ARHGEF18: variants seen among roughly 807,000 people sequenced by gnomAD.
ARHGEF18 encodes rho guanine nucleotide exchange factor 18.
ARHGEF18 carries 93 observed loss-of-function variants against 155.7 expected under a neutral mutation model. The observed-to-expected ratio is 0.60, with a 90% confidence interval of 0.50 to 0.71. The LOEUF is 0.71. Ranked by LOEUF, ARHGEF18 falls within the 30% of genes least tolerant of loss-of-function variation. ARHGEF18 has a pLI of 0.00. For synonymous variants in ARHGEF18, 742 were observed against 753.1 expected, an observed-to-expected ratio of 0.99 and a Z score of 0.24; for missense variants, 1,593 against 1,816.1, an observed-to-expected ratio of 0.88 and a Z score of 2.23.
chr19:7,352,209 C>A (rs1969175576), intron 1 of ARHGEF18, among the ~76,000 whole-genome samples: 1 of 151,416 alleles, frequency 6.6e-6, no homozygotes, highest in Non-Finnish European at 1.5e-5. Context: ...TTTGGGCAGG[C>A]AGTTAGAGAA....
At chr19:7,432,431 G>T (rs557121365) in intron 10 of ARHGEF18, among the ~76,000 whole-genome samples, 1 of 152,150 alleles carries the variant, frequency 6.6e-6, no homozygotes, top group African/African-American at 2.4e-5. Context: ...CTGAGACCAG[G>T]CCTTGAAACC....
chr19:7,460,076 C>T, intron 20 of ARHGEF18, 82 bp downstream of exon 20: 1 of 1,359,706 alleles, frequency 7.4e-7, no homozygotes, highest in Non-Finnish European at 1.0e-6. Flanking sequence ...AGAGGGTGAA[C>T]TGCCCCCCAG....
At position 7,467,244 on chromosome 19, in the gene ARHGEF18, G is replaced by A. The variant is rs1423145991; in HGVS notation, c.3040G>A (p.Glu1014Lys). ...AATCGCCCACCAGGACAGCTATGTGGAGACGCAGCGGGCTGCCATCCAGGA... is the reference window on the plus strand; with the variant it reads ...AATCGCCCACCAGGACAGCTATGTGAAGACGCAGCGGGCTGCCATCCAGGA... ...AVIAHQDSYV[E>K]TQRAAIQERE... Residue 1014 changes from glutamate (E) to lysine (K), a missense_variant, in exon 26 of 29, where the codon GAG becomes AAG. Glu to Lys is a moderately conservative substitution (Grantham distance 56, BLOSUM62 1). Coordinates refer to ENST00000668164, the MANE Select transcript of ARHGEF18 (RefSeq NM_001367823.1). 1.9e-6 allele frequency: 3 copies of A among 1,580,642 alleles called. No individual in the cohort carries two copies. Among genetic ancestry groups the A allele is most frequent in the Admixed American group, 1.8e-5 (1 of 55,584 alleles).
chr19:7,428,477 C>T (rs1248441020), intron 10 of ARHGEF18, among the ~76,000 whole-genome samples: 1 of 151,980 alleles, frequency 6.6e-6, no homozygotes, highest in African/African-American at 2.4e-5. Flanking sequence ...ACTGTAGCCT[C>T]GAACTCCTGG....
chr19:7,478,325 C>T, the ARHGEF18 span: 52 of 1,610,792 alleles, frequency 3.2e-5, no homozygotes, highest in Non-Finnish European at 3.8e-5. Flanking sequence ...TGGTGAAGGG[C>T]GCCGTGGGGC....
At chr19:7,436,951 G>A (rs1033554902) in intron 10 of ARHGEF18, among the ~76,000 whole-genome samples, 11 of 152,156 alleles carry the variant, frequency 7.2e-5, no homozygotes, top group African/African-American at 2.4e-4. Flanking sequence ...CTGAACAAAT[G>A]TCATCTTTGC....
chr19:7,367,842 TTA>T (rs377760107), intron 2 of ARHGEF18, among the ~76,000 whole-genome samples: 2,568 of 12,474 alleles, frequency 0.21, 486 homozygotes, highest in African/African-American at 0.37. Context: ...TATATATATT[TTA>T]TATATATATA....
intron 1 of ARHGEF18, among the ~76,000 whole-genome samples, chr19:7,350,764 G>A (rs1969134083): frequency 1.5e-4 from 1 of 6,470 alleles, no homozygotes; most frequent in Admixed American, 1.8e-3. Flanking sequence ...GTTTTTTGGG[G>A]TGGGTGTGTG....
intron 10 of ARHGEF18, among the ~76,000 whole-genome samples, chr19:7,409,940 AT>A (rs1282530446): frequency 1.6e-5 from 2 of 123,638 alleles, no homozygotes; most frequent in Non-Finnish European, 3.3e-5. Flanking sequence ...CACCCGGCTA[AT>A]TTTTTTTGTA....
Position 7,467,680 on chromosome 19 carries a change from C to T in ARHGEF18, c.3476C>T (p.Ala1159Val). The change falls in exon 26 of 29, where the codon GCC becomes GTC. Residue 1159 changes from alanine (A) to valine (V), a missense_variant. Physicochemically the swap from Ala to Val is moderately conservative, Grantham distance 64. Transcript: ENST00000668164. ...APGALPPDTL[A>V]EAQPPSHPPS... ...GGCGCGCTGCCGCCCGACACACTGG[C>T]CGAGGTGAGCGCGCAGCAGCCAGTG... The T allele has an allele frequency of 6.7e-7, 1 of 1,499,350 alleles. No individual in the cohort carries two copies. Among genetic ancestry groups the T allele is most frequent in the Non-Finnish European group, 8.8e-7 (1 of 1,133,076 alleles). The allele number at this position is 1,499,350 out of a possible 1,614,324, so 92.9% of individuals were successfully genotyped here.
chr19:7,453,738 C>A, intron 17 of ARHGEF18, 23 bp downstream of exon 17: 2 of 1,518,202 alleles, frequency 1.3e-6, no homozygotes, highest in South Asian at 1.3e-5. Context: ...CCCTGCCCAC[C>A]TCTAGTGGGT....
downstream of ARHGEF18, chr19:7,473,303 A>G (rs1448795659): frequency 1.1e-5 from 5 of 456,016 alleles, no homozygotes; most frequent in South Asian, 6.2e-5. Flanking sequence ...CTCAGGCAGC[A>G]CTGTCCACCA....
At chr19:7,349,466 A>T (rs1969105235) in intron 1 of ARHGEF18, among the ~76,000 whole-genome samples, 1 of 151,938 alleles carries the variant, frequency 6.6e-6, no homozygotes, top group South Asian at 2.1e-4. Context: ...GGGATCCTTG[A>T]GGGGCTGCTA....
intron 10 of ARHGEF18, among the ~76,000 whole-genome samples, chr19:7,431,529 A>AAAAAAAAAAAAAAAAAAAAAAAAAAAG (rs901539858): frequency 6.1e-5 from 9 of 146,952 alleles, no homozygotes; most frequent in South Asian, 2.2e-4. Flanking sequence ...AAAAAAAAAA[A>AAAAAAAAAAAAAAAAAAAAAAAAAAAG]AAAAGGCCGG....
chr19:7,440,158 C>G lies in ARHGEF18; in HGVS notation c.968-186C>G, dbSNP rs1974538301. On this transcript the variant is annotated intron_variant, in intron 10 of 28. Transcript: ENST00000668164. This position sits in a 1 kb window ranked among gnomAD's most constrained non-coding sequence, Gnocchi z 5.4. The stretch of plus-strand genomic sequence containing the variant: ...AGGCACAGCGCGCTCCCCGGCCGCC[C>G]CGAGCTGTCTTTTTACGGCTCTTTC... The G allele has an allele frequency of 6.4e-7, 1 of 1,551,406 alleles. No homozygotes were observed. The highest frequency in any genetic ancestry group is 2.4e-5 in the East Asian group (1 of 40,904).
At chr19:7,477,164 G>A (rs1056406631), downstream of ARHGEF18, 23 of 1,404,300 alleles carry the variant, frequency 1.6e-5, no homozygotes, top group East Asian at 5.6e-5. Flanking sequence ...AGGGCCCTCC[G>A]TGGGCTCTGG....
intron 1 of ARHGEF18, among the ~76,000 whole-genome samples, chr19:7,350,205 A>G (rs73923358): frequency 0.02 from 3,000 of 152,188 alleles, 85 homozygotes; most frequent in African/African-American, 0.067. Flanking sequence ...CCAGCCCCCA[A>G]TGCTGCAGGG....
chr19:7,455,989 G>A (rs1301143485), intron 17 of ARHGEF18, among the ~76,000 whole-genome samples: 1 of 152,230 alleles, frequency 6.6e-6, no homozygotes, highest in Non-Finnish European at 1.5e-5. Context: ...GGGTGGGGAC[G>A]CAGCCAAACC....
chr19:7,379,054 A>G (rs72992629), intron 6 of ARHGEF18, 68 bp from the exon 7 acceptor site: 401,366 of 1,221,634 alleles, frequency 0.33, 71,022 homozygotes, highest in African/African-American at 0.69. Flanking sequence ...ACCCCAGCTT[A>G]TCTAGGGGAG....
Sources: allele counts gnomAD v4.1 joint callset (sites outside exome capture counted in the v4.1 genomes callset), GRCh38; gene constraint gnomAD v4.1.1; non-coding constraint Gnocchi (gnomAD v3.1); transcripts MANE v1.5; gene names NCBI Gene and HGNC (gene_info 2026-07-23, HGNC 2026-07-21).